PRKG1: variants seen among roughly 807,000 people sequenced by gnomAD.
PRKG1 encodes protein kinase cGMP-dependent 1.
In PRKG1, 35 loss-of-function variants were observed where a neutral mutation model predicts 88.1. The ratio of observed to expected loss-of-function variants is 0.40; its 90% CI spans 0.30 to 0.53. The LOEUF is 0.53. PRKG1 is among the 20% of genes least tolerant of loss of function. PRKG1 has a pLI of 0.59. For missense variants in PRKG1, 540 were observed against 839.8 expected (o/e 0.64, Z 4.41); for synonymous variants, 303 against 292.5 (o/e 1.04, Z -0.37).
chr10:51,858,321 G>A lies in PRKG1; in HGVS notation c.699-49186G>A, dbSNP rs57697939. Among the ~76,000 whole-genome samples the A allele has an allele frequency of 9.1e-3, 43 of 4,718 alleles. 9 individuals are homozygous for A. Among genetic ancestry groups the A allele is most frequent in the African/African-American group, 0.019 (17 of 882 alleles). 3.1% of individuals were successfully genotyped at this position (4,718 alleles called of 152,430 possible). A position where few individuals can be genotyped will look rare whatever the true frequency, so the allele number is the denominator to read the frequency against. On this transcript the variant is annotated intron_variant, in intron 4 of 17. Coordinates refer to ENST00000373980, the MANE Select transcript of PRKG1 (RefSeq NM_006258.4). ...TGTATAATATATATATGTATAATAT[G>A]TATTATATATAATATATATATTATA...
intron 4 of PRKG1, among the ~76,000 whole-genome samples, chr10:51,819,239 A>G (rs1839680363): frequency 6.6e-6 from 1 of 151,688 alleles, no homozygotes; most frequent in Non-Finnish European, 1.5e-5. Flanking sequence ...AAGAGAGGGG[A>G]GGTGTCAGGC....
intron 3 of PRKG1, among the ~76,000 whole-genome samples, chr10:51,627,082 A>T (rs890171017): frequency 6.6e-6 from 1 of 152,182 alleles, no homozygotes; most frequent in African/African-American, 2.4e-5. Flanking sequence ...AAAGGAAGCA[A>T]GGTAGGGCAC....
At chr10:52,223,589 C>T (rs987873017) in intron 9 of PRKG1, among the ~76,000 whole-genome samples, 9 of 152,098 alleles carry the variant, frequency 5.9e-5, no homozygotes, top group Admixed American at 5.2e-4. Flanking sequence ...TCACAGCTTT[C>T]GATACGCTCT....
intron 1 of PRKG1, among the ~76,000 whole-genome samples, chr10:50,994,874 A>G (rs1842821315): frequency 6.6e-6 from 1 of 152,154 alleles, no homozygotes; most frequent in Non-Finnish European, 1.5e-5. Context: ...TCTTCTAAAC[A>G]ATACAGTATA....
intron 4 of PRKG1, among the ~76,000 whole-genome samples, chr10:51,863,971 AT>A (rs1840952002): frequency 6.6e-6 from 1 of 152,186 alleles, no homozygotes; most frequent in African/African-American, 2.4e-5. Context: ...TGTCCACTCT[AT>A]CCTTAAACCA....
intron 3 of PRKG1, among the ~76,000 whole-genome samples, chr10:51,513,461 C>A (rs1841480007): frequency 9.3e-6 from 1 of 108,010 alleles, no homozygotes; most frequent in Admixed American, 1.1e-4. Flanking sequence ...AACAAGGATA[C>A]CCAGGAATTG....
At chr10:51,910,970 A>G (rs936003015) in intron 5 of PRKG1, 1 of 152,212 alleles carries the variant, frequency 6.6e-6, no homozygotes, top group Admixed American at 6.5e-5. Flanking sequence ...GGTACTGACT[A>G]TACCAGTAAT....
chr10:51,773,185 C>A (rs1838349529), intron 3 of PRKG1, among the ~76,000 whole-genome samples: 1 of 151,950 alleles, frequency 6.6e-6, no homozygotes, highest in Admixed American at 6.6e-5. Flanking sequence ...TCTTGTTTAA[C>A]CTTGATTTAT....
intron 5 of PRKG1, among the ~76,000 whole-genome samples, chr10:51,916,396 G>A (rs1842340601): frequency 1.3e-5 from 2 of 152,136 alleles, no homozygotes; most frequent in South Asian, 4.1e-4. Flanking sequence ...ACCCTAAATG[G>A]TGTAAAAACG....
At chr10:51,697,144 A>G (rs532894504) in intron 3 of PRKG1, 1 of 152,760 alleles carries the variant, frequency 6.5e-6, no homozygotes, top group East Asian at 1.9e-4. Context: ...GTGTAACCTT[A>G]TCCTGTTAAC....
chr10:52,090,645 A>G (rs1589598422), intron 7 of PRKG1, among the ~76,000 whole-genome samples: 1 of 152,190 alleles, frequency 6.6e-6, no homozygotes, highest in Non-Finnish European at 1.5e-5. Flanking sequence ...ATCTCCCTCA[A>G]TATATTTGTT....
chr10:51,307,703 C>T (rs1347287184), intron 2 of PRKG1, among the ~76,000 whole-genome samples: 1 of 152,054 alleles, frequency 6.6e-6, no homozygotes, highest in Non-Finnish European at 1.5e-5. Flanking sequence ...TTTGAAATAG[C>T]TCTGATGAAC....
intron 5 of PRKG1, among the ~76,000 whole-genome samples, chr10:52,025,035 G>T (rs1216255653): frequency 6.6e-6 from 1 of 152,200 alleles, no homozygotes; most frequent in Non-Finnish European, 1.5e-5. Context: ...ACTGGTGTGA[G>T]ATGGTATCTC....
intron 3 of PRKG1, among the ~76,000 whole-genome samples, chr10:51,583,881 C>T (rs1354364384): frequency 6.6e-6 from 1 of 152,098 alleles, no homozygotes; most frequent in East Asian, 1.9e-4. Flanking sequence ...TAGTATAACA[C>T]GGGAACTTTT....
chr10:51,213,255 G>T (rs945835171), intron 2 of PRKG1, among the ~76,000 whole-genome samples: 2 of 151,158 alleles, frequency 1.3e-5, no homozygotes, highest in Non-Finnish European at 2.9e-5. Flanking sequence ...TCATAAGTGG[G>T]AATTGAACAA....
chr10:51,916,347 C>A (rs1842339228), intron 5 of PRKG1, among the ~76,000 whole-genome samples: 1 of 152,182 alleles, frequency 6.6e-6, no homozygotes, highest in Non-Finnish European at 1.5e-5. Context: ...CCACCAGCAC[C>A]ATGACAGTTT....
At chr10:51,719,236 C>T (rs1841958117) in intron 3 of PRKG1, among the ~76,000 whole-genome samples, 2 of 152,046 alleles carry the variant, frequency 1.3e-5, no homozygotes, top group African/African-American at 4.8e-5. Flanking sequence ...ATTCCTTGCC[C>T]TTTGAGTGTG....
chr10:51,687,081 A>T (rs990666128), intron 3 of PRKG1, among the ~76,000 whole-genome samples: 5 of 152,136 alleles, frequency 3.3e-5, no homozygotes, highest in African/African-American at 1.2e-4. Context: ...AAAGGCCTTG[A>T]TTTGAATTTA....
At position 51,967,748 on chromosome 10, in the gene PRKG1, T is replaced by A. The variant is rs144173381; in HGVS notation, c.762+60178T>A. ...CCCGCCGTTCCTCAGAAAGTTTCCT[T>A]CCCTAGCGTCATGGGTTTTTACATG... On this transcript the variant is annotated intron_variant, in intron 5 of 17. Coordinates refer to ENST00000373980, the MANE Select transcript of PRKG1 (RefSeq NM_006258.4). Among the ~76,000 whole-genome samples the A allele has an allele frequency of 1.6e-4, 25 of 152,240 alleles. No individual in the cohort carries two copies. In the East Asian group the frequency reaches 4.8e-3, roughly 29 times the overall value.
Sources: allele counts gnomAD v4.1 joint callset (sites outside exome capture counted in the v4.1 genomes callset), GRCh38; gene constraint gnomAD v4.1.1; transcripts MANE v1.5; gene names NCBI Gene and HGNC (gene_info 2026-07-23, HGNC 2026-07-21).